The following CACNB2 variants were observed in gnomAD, a reference collection of about 807,000 sequenced individuals.
CACNB2 encodes voltage-dependent L-type calcium channel subunit beta-2.
CACNB2 carries 42 observed loss-of-function variants against 73.3 expected under a neutral mutation model. The ratio of observed to expected loss-of-function variants is 0.57; its 90% CI spans 0.45 to 0.74. The LOEUF (loss-of-function observed/expected upper bound fraction) is 0.74, where lower values mean the gene tolerates loss of function less well. CACNB2 is among the 30% of genes least tolerant of loss of function. The probability of loss-of-function intolerance (pLI) is 0.00; values close to 1 mark genes in which losing one functional copy is unlikely to be tolerated. For synonymous variants in CACNB2, 348 were observed against 310.3 expected, an observed-to-expected ratio of 1.12 and a Z score of -1.28; for missense variants, 940 against 853.0, an observed-to-expected ratio of 1.10 and a Z score of -1.27.
intron 3 of CACNB2, among the ~76,000 whole-genome samples, chr10:18,442,831 AAAAAG>A (rs1328071983): frequency 1.4e-5 from 2 of 147,710 alleles, no homozygotes; most frequent in Non-Finnish European, 1.5e-5. Flanking sequence ...CTTAAAAAAA[AAAAAG>A]AAAGAAAGAA....
chr10:18,417,184 T>TA (rs372315475), intron 3 of CACNB2, among the ~76,000 whole-genome samples: 100 of 90,224 alleles, frequency 1.1e-3, no homozygotes, highest in Admixed American at 4.6e-3. Context: ...TTTAAAAGTA[T>TA]AAACATCTTC....
intron 3 of CACNB2, among the ~76,000 whole-genome samples, chr10:18,441,534 T>C (rs2046410609): frequency 6.6e-6 from 1 of 152,220 alleles, no homozygotes; most frequent in Admixed American, 6.5e-5. Context: ...AAAATTTCCT[T>C]TTTTCTTTTT....
intron 2 of CACNB2, among the ~76,000 whole-genome samples, chr10:18,156,493 G>T (rs1324883519): frequency 1.3e-5 from 2 of 152,202 alleles, no homozygotes; most frequent in African/African-American, 4.8e-5. Flanking sequence ...TTAGCCTTTG[G>T]GGTAAGGGCT....
In CACNB2 at chr10:18,359,601, G is replaced by GT. The variant is rs72465413; in HGVS notation, c.214-42312dup. Among the ~76,000 whole-genome samples, 76 of 147,862 alleles carry GT rather than the reference G, an allele frequency of 5.1e-4. No individual in the cohort carries two copies. In the Middle Eastern group the frequency reaches 0.014, roughly 27 times the overall value. ...AAGCTTATAAGTAACATTCTGTTTT[G>GT]TTTTTTTTTTTCTTTTTCATACTTT... On this transcript the variant is annotated intron_variant, in intron 2 of 13. Transcript: ENST00000324631.
rs575874224 is a variant in CACNB2 at position 18,317,955 on chromosome 10, C to A, written c.214-83969C>A. Among the ~76,000 whole-genome samples, 2 of 152,202 alleles carry A rather than the reference C, an allele frequency of 1.3e-5. 1 individual carries two copies. The highest frequency in any genetic ancestry group is 4.8e-5 in the African/African-American group (2 of 41,522). On this transcript the variant is annotated intron_variant, in intron 2 of 13. Coordinates refer to ENST00000324631, the MANE Select transcript of CACNB2 (RefSeq NM_201596.3). ...TACCTCTTCAAGGAGAACTACGAACCACTGCTCAAGAAAATAATAGGACAC... is the reference window on the plus strand; with the variant it reads ...TACCTCTTCAAGGAGAACTACGAACAACTGCTCAAGAAAATAATAGGACAC...
chr10:18,249,044 G>T (rs569309971), intron 2 of CACNB2, among the ~76,000 whole-genome samples: 1 of 151,976 alleles, frequency 6.6e-6, no homozygotes, highest in Non-Finnish European at 1.5e-5. Flanking sequence ...CTCCTGAGAG[G>T]TCTCTTTCAC....
At chr10:18,375,027 C>T (rs1035248833) in intron 2 of CACNB2, among the ~76,000 whole-genome samples, 18 of 152,046 alleles carry the variant, frequency 1.2e-4, no homozygotes, top group African/African-American at 3.6e-4. Context: ...AAAATGCACA[C>T]GGCAACATGG....
At chr10:18,515,203 C>T (rs1470420114) in intron 7 of CACNB2, among the ~76,000 whole-genome samples, 1 of 152,190 alleles carries the variant, frequency 6.6e-6, no homozygotes, top group Non-Finnish European at 1.5e-5. Context: ...GCTCCTTGTC[C>T]CCTAAATGGA....
In CACNB2 at chr10:18,538,146, G is replaced by A. The variant is rs774253202; in HGVS notation, c.1303-34G>A. 6 of 1,610,944 alleles carry A rather than the reference G, an allele frequency of 3.7e-6. No individual in the cohort carries two copies. In the Admixed American group the frequency reaches 1.0e-4, roughly 27 times the overall value. The stretch of plus-strand genomic sequence containing the variant: ...TGGGAAGGGGGTGAAAACTGGGCTG[G>A]CATCAATGTGGTCTGGAATGTCTGC... On this transcript the variant is annotated intron_variant, in intron 12 of 13. Transcript: ENST00000324631.
At chr10:18,163,883 T>C (rs1471744571) in intron 2 of CACNB2, among the ~76,000 whole-genome samples, 1 of 152,156 alleles carries the variant, frequency 6.6e-6, no homozygotes, top group African/African-American at 2.4e-5. Flanking sequence ...TGTAATCTAC[T>C]GTGGCACGTG....
At chr10:18,347,924 G>A (rs570427153) in intron 2 of CACNB2, among the ~76,000 whole-genome samples, 11 of 152,276 alleles carry the variant, frequency 7.2e-5, no homozygotes, top group African/African-American at 2.4e-4. Context: ...TTTGAGCGTC[G>A]TGCACAGCTC....
intron 2 of CACNB2, among the ~76,000 whole-genome samples, chr10:18,320,358 G>A (rs1396830577): frequency 6.6e-5 from 10 of 152,022 alleles, no homozygotes; most frequent in Non-Finnish European, 1.2e-4. Flanking sequence ...TTGGTTTTGT[G>A]GTCTATGACA....
Position 18,292,886 on chromosome 10 carries a change from A to G in CACNB2, c.214-109038A>G, listed in dbSNP as rs78686662. On this transcript the variant is annotated intron_variant, in intron 2 of 13. Transcript: ENST00000324631. Reference sequence around the variant, plus strand: ...GTGTCTAAACACCAAATTTTTTACCACCAGCCCATGCAACCTCGACCATAC... The same window carrying G: ...GTGTCTAAACACCAAATTTTTTACCGCCAGCCCATGCAACCTCGACCATAC... 2.8e-3 allele frequency among the ~76,000 whole-genome samples: 423 copies of G among 152,290 alleles called. 2 individuals carry two copies. The highest frequency in any genetic ancestry group is 9.7e-3 in the African/African-American group (405 of 41,558).
At chr10:18,376,369 G>A (rs2042798769) in intron 2 of CACNB2, among the ~76,000 whole-genome samples, 1 of 152,118 alleles carries the variant, frequency 6.6e-6, no homozygotes, top group African/African-American at 2.4e-5. Context: ...GGTAGGGGCA[G>A]GCATTGGGGG....
At chr10:18,433,821 T>C (rs2046001631) in intron 3 of CACNB2, among the ~76,000 whole-genome samples, 1 of 152,186 alleles carries the variant, frequency 6.6e-6, no homozygotes, top group African/African-American at 2.4e-5. Context: ...TTTGAAACTG[T>C]CTATCCCCTA....
intron 9 of CACNB2, among the ~76,000 whole-genome samples, chr10:18,525,042 A>C (rs1056396299): frequency 2.0e-5 from 3 of 151,386 alleles, no homozygotes; most frequent in Non-Finnish European, 2.9e-5. Context: ...AAAAAAAAAA[A>C]AAAAAAACAC....
chr10:18,304,386 G>A (rs567120099), intron 2 of CACNB2, among the ~76,000 whole-genome samples: 1 of 152,152 alleles, frequency 6.6e-6, no homozygotes, highest in East Asian at 1.9e-4. Flanking sequence ...TAAGAGTTGT[G>A]GAGCTTAAAA....
chr10:18,282,847 C>T (rs2038612811), intron 2 of CACNB2, among the ~76,000 whole-genome samples: 1 of 152,114 alleles, frequency 6.6e-6, no homozygotes, highest in South Asian at 2.1e-4. Flanking sequence ...AGAGCTTCTG[C>T]ACAGCAAAAG....
intron 10 of CACNB2, among the ~76,000 whole-genome samples, chr10:18,528,137 C>G (rs1238526749): frequency 2.0e-5 from 3 of 152,136 alleles, no homozygotes; most frequent in Admixed American, 2.0e-4. Flanking sequence ...CCTAAATATT[C>G]CTTAATTCCA....
Sources: allele counts gnomAD v4.1 joint callset (sites outside exome capture counted in the v4.1 genomes callset), GRCh38; gene constraint gnomAD v4.1.1; transcripts MANE v1.5; gene names NCBI Gene and HGNC (gene_info 2026-07-23, HGNC 2026-07-21).